Variants in PPM1J observed in about 807,000 individuals in gnomAD.
PPM1J encodes the protein protein phosphatase, Mg2+/Mn2+ dependent 1J, also known as protein phosphatase 1J.
A neutral mutation model predicts 53.3 loss-of-function variants in PPM1J; 43 were observed. The ratio of observed to expected loss-of-function variants is 0.81; its 90% CI spans 0.63 to 1.04. The LOEUF (loss-of-function observed/expected upper bound fraction) is 1.04, where lower values mean the gene tolerates loss of function less well. PPM1J is among the 50% of genes least tolerant of loss of function. PPM1J has a pLI of 0.00. For missense variants in PPM1J, 635 were observed against 685.9 expected (o/e 0.93, Z 0.83); for synonymous variants, 267 against 286.4 (o/e 0.93, Z 0.68).
At position 112,712,950 on chromosome 1, in the gene PPM1J, G is replaced by C; in HGVS notation, c.523C>G (p.Arg175Gly). ...AAEMASRLLH[R>G]HIREQLKDLV... Reference sequence around the variant, plus strand: ...TCCTTTAGCTGCTCTCGGATATGGCGATGCAGGAGCCGTGAGGCCATTTCA... The same window carrying C: ...TCCTTTAGCTGCTCTCGGATATGGCCATGCAGGAGCCGTGAGGCCATTTCA... Residue 175 changes from arginine (R) to glycine (G), a missense_variant, in exon 3 of 10, where the codon CGC becomes GGC. By Grantham distance (125) the Arg-to-Gly change is moderately radical (BLOSUM62 -2). Coordinates refer to ENST00000309276, the MANE Select transcript of PPM1J (RefSeq NM_005167.7). 3 of 1,613,902 alleles carry C rather than the reference G, an allele frequency of 1.9e-6. No homozygotes were observed. Among genetic ancestry groups the C allele is most frequent in the Non-Finnish European group, 2.5e-6 (3 of 1,179,986 alleles).
chr1:112,712,225 G>A (rs1675079868), intron 4 of PPM1J, 120 bp downstream of exon 4: 1 of 964,702 alleles, frequency 1.0e-6, no homozygotes, highest in Non-Finnish European at 1.6e-6. Context: ...CCTTATGTCT[G>A]TCACCCCTCT....
Position 112,714,404 on chromosome 1 carries a change from G to A in PPM1J, c.326+572C>T, listed in dbSNP as rs1255533190. 5 of 985,570 alleles carry A rather than the reference G, an allele frequency of 5.1e-6. No individual in the cohort carries two copies. In the African/African-American group the frequency reaches 8.7e-5, roughly 17 times the overall value. The allele number at this position is 985,570 out of a possible 1,614,324, so 61.1% of individuals were successfully genotyped here. ...GGCCAGCACGAGTTGGCAGGCTGAA[G>A]GGCATCTAAATGGGACCCTCCTCTA... is the stretch of plus-strand genomic sequence containing the variant. On this transcript the variant is annotated intron_variant, in intron 1 of 9. Coordinates refer to ENST00000309276, the MANE Select transcript of PPM1J (RefSeq NM_005167.7).
chr1:112,712,962 G>A lies in PPM1J; in HGVS notation c.511C>T (p.Arg171Trp), dbSNP rs140892250. The change falls in exon 3 of 10, where the codon CGG becomes TGG. Residue 171 changes from arginine to tryptophan, a missense_variant. Arg to Trp is a moderately radical substitution (Grantham distance 101). Transcript: ENST00000309276. The part of the protein sequence containing the change: ...AGGGAAEMAS[R>W]LLHRHIREQL... ...TCTCGGATATGGCGATGCAGGAGCC[G>A]TGAGGCCATTTCAGCAGCTCCGCCC... is the stretch of plus-strand genomic sequence containing the variant. 6.6e-5 allele frequency: 106 copies of A among 1,613,824 alleles called. No individual in the cohort carries two copies. Among genetic ancestry groups the A allele is most frequent in the South Asian group, 3.0e-4 (27 of 91,062 alleles).
intron 2 of PPM1J, 21 bp from the exon 3 acceptor site, chr1:112,713,052 G>C: frequency 6.4e-7 from 1 of 1,554,238 alleles, no homozygotes; most frequent in Non-Finnish European, 8.7e-7. Context: ...AAAAGTTGGA[G>C]GTGAGTTTTG....
Position 112,712,792 on chromosome 1 carries a change from G to T in PPM1J, c.681C>A (p.Ser227Arg). The stretch of plus-strand genomic sequence containing the variant: ...CGGCCCCCACTACCAGGCTCTCGTG[G>T]CTCACTTCCTTCTGTGAAGACCAGC... ...QSCWSSQKEV[S>R]HESLVVGAVE... The change falls in exon 3 of 10, where the codon AGC becomes AGA. Residue 227 changes from serine (S) to arginine (R), a missense_variant. Transcript: ENST00000309276. 6.2e-7 allele frequency: 1 copy of T among 1,612,812 alleles called. No individual in the cohort carries two copies. The highest frequency in any genetic ancestry group is 1.1e-5 in the South Asian group (1 of 91,016).
chr1:112,712,997 C>G lies in PPM1J; in HGVS notation c.476G>C (p.Gly159Ala). The G allele has an allele frequency of 1.2e-6, 2 of 1,610,074 alleles. No homozygotes were observed. Among genetic ancestry groups the G allele is most frequent in the Non-Finnish European group, 1.7e-6 (2 of 1,177,944 alleles). The change falls in exon 3 of 10, where the codon GGG becomes GCG. Residue 159 changes from glycine to alanine, a missense_variant. By Grantham distance (60) the Gly-to-Ala change is moderately conservative. Transcript: ENST00000309276. ...LCFYYWGLFDGHAGGGAAEMA... is the reference protein window; with the variant it reads ...LCFYYWGLFDAHAGGGAAEMA... The stretch of plus-strand genomic sequence containing the variant: ...TTCAGCAGCTCCGCCCCCTGCATGC[C>G]CATCAAATAGGCCCCAGTAGTAGAA...
In PPM1J at chr1:112,715,159, G is replaced by A. The variant is rs985526697; in HGVS notation, c.143C>T (p.Ala48Val). Residue 48 changes from alanine (A) to valine (V), a missense_variant, in exon 1 of 10, where the codon GCG becomes GTG. Transcript: ENST00000309276. This position sits in a 1 kb window ranked among gnomAD's most constrained non-coding sequence, Gnocchi z 4.4. Reference sequence around the variant, plus strand: ...CGTCGCGCTCCCGCTCCCAGCCTTCGCGGGAGGGCTCCTGGGCGCTTCTGG... The same window carrying A: ...CGTCGCGCTCCCGCTCCCAGCCTTCACGGGAGGGCTCCTGGGCGCTTCTGG... ...AAPEAPRSPP[A>V]KAGSGSATPA... 5 of 1,539,002 alleles carry A rather than the reference G, an allele frequency of 3.2e-6. No homozygotes were observed. Among genetic ancestry groups the A allele is most frequent in the Non-Finnish European group, 4.3e-6 (5 of 1,154,244 alleles).
chr1:112,712,026 A>G lies in PPM1J; in HGVS notation c.872T>C (p.Ile291Thr), dbSNP rs78366259. ...CGGGGTAAACTCCCGGGACATTGGAATGATTTCACCATTCCGGACAATGAT... is the reference window on the plus strand; with the variant it reads ...CGGGGTAAACTCCCGGGACATTGGAGTGATTTCACCATTCCGGACAATGAT... ...RAIIVRNGEI[I>T]PMSREFTPET... The change falls in exon 5 of 10, where the codon ATT becomes ACT. Residue 291 changes from isoleucine to threonine, a missense_variant. Coordinates refer to ENST00000309276, the MANE Select transcript of PPM1J (RefSeq NM_005167.7). 41,274 of 1,610,460 alleles carry G rather than the reference A, an allele frequency of 0.026. 661 individuals are homozygous for G. The highest frequency in any genetic ancestry group is 0.03 in the Non-Finnish European group (35,222 of 1,177,402).
In PPM1J at chr1:112,710,579, G is replaced by C; in HGVS notation, c.1251C>G (p.His417Gln). 6.2e-7 allele frequency: 1 copy of C among 1,614,190 alleles called. No homozygotes were observed. Among genetic ancestry groups the C allele is most frequent in the Admixed American group, 1.7e-5 (1 of 60,024 alleles). The change falls in exon 9 of 10, where the codon CAC becomes CAG. Residue 417 changes from histidine to glutamine, a missense_variant. Transcript: ENST00000309276. The part of the protein sequence containing the change: ...VRVYDLTQYE[H>Q]CPDDVLVLGT... The stretch of plus-strand genomic sequence containing the variant: ...CCAGGACTAGCACATCATCTGGGCA[G>C]TGCTCATATTGTGTCAGGTCATACA...
At position 112,710,821 on chromosome 1, in the gene PPM1J, G is replaced by T; in HGVS notation, c.1141C>A (p.Arg381=). 6 of 1,613,874 alleles carry T rather than the reference G, an allele frequency of 3.7e-6. No homozygotes were observed. The South Asian group carries it at 5.5e-5, about 15-fold the overall frequency. ...ARVMATIGVT[R]GLGDHSLKVC... is the part of the protein sequence containing the mutation. ...TTAAGGCTGTGGTCTCCCAAGCCTC[G>T]GGTCACCCCAATGGTGGCCATCACC... Residue 381 remains arginine, a synonymous_variant, in exon 8 of 10, where the codon CGA becomes AGA. Transcript: ENST00000309276.
At chr1:112,713,986 A>C in intron 1 of PPM1J, 1 of 1,088,086 alleles carries the variant, frequency 9.2e-7, no homozygotes, top group Non-Finnish European at 1.1e-6. Context: ...TAGACCCTAC[A>C]TCCCACCCTC....
chr1:112,712,569 T>C, intron 3 of PPM1J, 112 bp from the exon 4 acceptor site: 1 of 1,174,890 alleles, frequency 8.5e-7, no homozygotes. Context: ...CAGGCTACAC[T>C]GGAAGACAGG....
At position 112,712,332 on chromosome 1, in the gene PPM1J, C is replaced by T; in HGVS notation, c.842+13G>A. 6.3e-7 allele frequency: 1 copy of T among 1,589,470 alleles called. No homozygotes were observed. The highest frequency in any genetic ancestry group is 8.6e-7 in the Non-Finnish European group (1 of 1,164,842). On this transcript the variant is annotated intron_variant, in intron 4 of 9. Transcript: ENST00000309276. ...GGCCCTCTGTCGCCACCTTGGAGCC[C>T]CCTCCCCCATACCTGCTATCGCCTG... is the stretch of plus-strand genomic sequence containing the variant.
In PPM1J at chr1:112,713,733, G is replaced by A. The variant is rs1019624099; in HGVS notation, c.327-122C>T. The A allele has an allele frequency of 1.3e-5, 11 of 825,194 alleles. 1 individual carries two copies. The highest frequency in any genetic ancestry group is 1.3e-4 in the East Asian group (5 of 39,192). 51.1% of individuals were successfully genotyped at this position (825,194 alleles called of 1,614,324 possible). A position where few individuals can be genotyped will look rare whatever the true frequency, so the allele number is the denominator to read the frequency against. ...AAGCTGAGAAAGGTCACAGCCACCT[G>A]GGATCCAGGCCAGAGGGAGGAGGAG... On this transcript the variant is annotated intron_variant, in intron 1 of 9. Transcript: ENST00000309276.
At chr1:112,712,499 T>A (rs777245722) in intron 3 of PPM1J, 42 bp from the exon 4 acceptor site, 1 of 1,550,300 alleles carries the variant, frequency 6.5e-7, no homozygotes, top group Non-Finnish European at 8.9e-7. Context: ...GAAGGAGAGG[T>A]TCCAGCACAC....
chr1:112,711,888 T>A (rs1675071870), intron 5 of PPM1J, 83 bp downstream of exon 5: 2 of 914,976 alleles, frequency 2.2e-6, no homozygotes, highest in Non-Finnish European at 3.4e-6. Flanking sequence ...GTGGTGGGGG[T>A]GTGAGAGTTC....
At chr1:112,713,467 T>G (rs758946641) in intron 2 of PPM1J, 30 bp downstream of exon 2, 1 of 1,503,090 alleles carries the variant, frequency 6.7e-7, no homozygotes, top group Admixed American at 1.7e-5. Flanking sequence ...GAGGTGTCAC[T>G]GTGTCTCTGG....
At chr1:112,714,677 T>A (rs1021547293) in intron 1 of PPM1J, 4 of 1,208,768 alleles carry the variant, frequency 3.3e-6, no homozygotes, top group Non-Finnish European at 4.1e-6. Flanking sequence ...ACTGGCCAAC[T>A]CATCCTTCGC....
Position 112,712,391 on chromosome 1 carries a change from T to G in PPM1J, c.796A>C (p.Ile266Leu). 1 of 1,613,958 alleles carries G rather than the reference T, an allele frequency of 6.2e-7. No individual in the cohort carries two copies. Among genetic ancestry groups the G allele is most frequent in the South Asian group, 1.1e-5 (1 of 91,070 alleles). The change falls in exon 4 of 10, where the codon ATC becomes CTC. Residue 266 changes from isoleucine (I) to leucine (L), a missense_variant. Physicochemically the swap from Ile to Leu is conservative, Grantham distance 5. Coordinates refer to ENST00000309276, the MANE Select transcript of PPM1J (RefSeq NM_005167.7). Reference sequence around the variant, plus strand: ...ACGTACACCTTGCCTAGCAGGTAGATCACAACCAGTGCACAGCAGCCCCCC... The same window carrying G: ...ACGTACACCTTGCCTAGCAGGTAGAGCACAACCAGTGCACAGCAGCCCCCC... ...VEGGCCALVV[I>L]YLLGKVYVAN...
Sources: allele counts gnomAD v4.1 joint callset, GRCh38; gene constraint gnomAD v4.1.1; non-coding constraint Gnocchi (gnomAD v3.1); transcripts MANE v1.5; gene names NCBI Gene and HGNC (gene_info 2026-07-23, HGNC 2026-07-21).